Variants in SEZ6L observed in about 807,000 individuals in gnomAD.
SEZ6L encodes the protein seizure 6-like protein.
A neutral mutation model predicts 106.2 loss-of-function variants in SEZ6L; 37 were observed. The observed-to-expected ratio is 0.35, with a 90% CI of 0.27 to 0.46. The LOEUF is 0.46. SEZ6L is among the 20% of genes least tolerant of loss of function. The probability of loss-of-function intolerance (pLI) is 1.00; values close to 1 mark genes in which losing one functional copy is unlikely to be tolerated. For synonymous variants in SEZ6L, 541 were observed against 570.4 expected, an observed-to-expected ratio of 0.95 and a Z score of 0.73; for missense variants, 1,172 against 1,332.8, an observed-to-expected ratio of 0.88 and a Z score of 1.88.
In SEZ6L at chr22:26,373,465, T is replaced by A; in HGVS notation, c.2809T>A (p.Phe937Ile). Residue 937 changes from phenylalanine (F) to isoleucine (I), a missense_variant, in exon 14 of 17, where the codon TTT becomes ATT. This residue lies in a region of SEZ6L where 141 missense variants were observed against 176.0 expected (regional missense o/e 0.80). Transcript: ENST00000248933. ...LPVCKVNQDS[F>I]EHALEVAEAA... is the part of the protein sequence containing the mutation. ...TTCTCTTTCAGTTAATCAAGACAGT[T>A]TTGAACATGCTTTAGAAGGTGAGTT... The A allele has an allele frequency of 6.2e-7, 1 of 1,604,888 alleles. No homozygotes were observed. Among genetic ancestry groups the A allele is most frequent in the South Asian group, 1.1e-5 (1 of 88,482 alleles).
rs1433258014 is a variant in SEZ6L at position 26,294,392 on chromosome 22, G to A, written c.936G>A (p.Val312=). The part of the protein sequence containing the change: ...LNNFLECTYN[V]TVYTGYGVEL... ...ACTTTCTGGAGTGCACATACAACGT[G>A]ACAGTCTACACTGGCTATGGGGTGG... is the stretch of plus-strand genomic sequence containing the variant. The change falls in exon 3 of 17, where the codon GTG becomes GTA. Residue 312 remains valine, a synonymous_variant. Coordinates refer to ENST00000248933, the MANE Select transcript of SEZ6L (RefSeq NM_021115.5). 1.2e-6 allele frequency: 2 copies of A among 1,614,096 alleles called. No homozygotes were observed. Among genetic ancestry groups the A allele is most frequent in the South Asian group, 2.2e-5 (2 of 91,072 alleles).
At chr22:26,175,208 T>C (rs1365143895) in intron 1 of SEZ6L, among the ~76,000 whole-genome samples, 1 of 152,236 alleles carries the variant, frequency 6.6e-6, no homozygotes, top group East Asian at 1.9e-4. Flanking sequence ...ATAGCAAGCA[T>C]TTAAGTAAAG....
chr22:26,185,684 A>C (rs962115894), intron 1 of SEZ6L, among the ~76,000 whole-genome samples: 9 of 152,102 alleles, frequency 5.9e-5, no homozygotes, highest in African/African-American at 2.2e-4. Flanking sequence ...TCCACCATTT[A>C]TATGCCAGGC....
chr22:26,192,240 C>G (rs1176877823), intron 1 of SEZ6L, among the ~76,000 whole-genome samples: 2 of 152,202 alleles, frequency 1.3e-5, no homozygotes, highest in Non-Finnish European at 2.9e-5. Flanking sequence ...CCTTCCATCT[C>G]TCCATCAACC....
Position 26,191,365 on chromosome 22 carries a change from G to T in SEZ6L, c.94+21602G>T, listed in dbSNP as rs113346849. Among the ~76,000 whole-genome samples the T allele has an allele frequency of 6.5e-3, 995 of 152,262 alleles. 16 individuals carry two copies. The highest frequency in any genetic ancestry group is 0.023 in the African/African-American group (947 of 41,534). On this transcript the variant is annotated intron_variant, in intron 1 of 16. Transcript: ENST00000248933. ...GCCCATCAGTGATAGACTGGATAAA[G>T]AAAATGTGGTACATATACACCATGG...
intron 1 of SEZ6L, among the ~76,000 whole-genome samples, chr22:26,261,706 C>A (rs752944044): frequency 1.9e-4 from 29 of 152,154 alleles, no homozygotes; most frequent in African/African-American, 7.0e-4. Context: ...GCATAAAGTA[C>A]AGATGCTGTA....
At chr22:26,195,477 A>G (rs116361432) in intron 1 of SEZ6L, among the ~76,000 whole-genome samples, 2,107 of 152,296 alleles carry the variant, frequency 0.014, 52 homozygotes, top group African/African-American at 0.048. Context: ...ATGAAGATTA[A>G]ATGAGATCAT....
chr22:26,205,267 C>T (rs572390518), intron 1 of SEZ6L, among the ~76,000 whole-genome samples: 1 of 152,296 alleles, frequency 6.6e-6, no homozygotes, highest in East Asian at 1.9e-4. Context: ...AGTCTGGTGA[C>T]TTTTTACTCT....
At position 26,264,479 on chromosome 22, in the gene SEZ6L, A is replaced by G. The variant is rs149888154; in HGVS notation, c.95-27927A>G. ...ATTTAATGCCAAAATGGGTCATTAG[A>G]TAGAACCCATGAAATTATCAAAATT... On this transcript the variant is annotated intron_variant, in intron 1 of 16. Transcript: ENST00000248933. 4.1e-4 allele frequency among the ~76,000 whole-genome samples: 62 copies of G among 152,348 alleles called. No homozygotes were observed. In the East Asian group the frequency reaches 0.012, roughly 29 times the overall value.
chr22:26,229,162 A>G (rs1268438607), intron 1 of SEZ6L, among the ~76,000 whole-genome samples: 1 of 151,988 alleles, frequency 6.6e-6, no homozygotes, highest in African/African-American at 2.4e-5. Context: ...ACACCTGGAT[A>G]ATTTTTGTAT....
intron 1 of SEZ6L, among the ~76,000 whole-genome samples, chr22:26,231,249 G>A (rs758052021): frequency 1.3e-5 from 2 of 152,214 alleles, no homozygotes; most frequent in Non-Finnish European, 2.9e-5. Context: ...TAGGATGAGG[G>A]TGGTAACTTC....
At chr22:26,254,262 G>T (rs1602176173) in intron 1 of SEZ6L, among the ~76,000 whole-genome samples, 1 of 152,074 alleles carries the variant, frequency 6.6e-6, no homozygotes, top group Non-Finnish European at 1.5e-5. Flanking sequence ...GGGAATTTCT[G>T]CTTGAAGATG....
chr22:26,206,725 T>C (rs1444905710), intron 1 of SEZ6L, among the ~76,000 whole-genome samples: 1 of 152,200 alleles, frequency 6.6e-6, no homozygotes, highest in Admixed American at 6.5e-5. Flanking sequence ...CACAGTATCC[T>C]AGGAAATAAA....
chr22:26,227,565 A>G (rs1057147861), intron 1 of SEZ6L, among the ~76,000 whole-genome samples: 20 of 148,388 alleles, frequency 1.3e-4, no homozygotes, highest in Non-Finnish European at 2.2e-4. Context: ...ATACGCCATC[A>G]TGCCCAGCTA....
At chr22:26,254,665 C>A (rs1023901555) in intron 1 of SEZ6L, among the ~76,000 whole-genome samples, 3 of 152,118 alleles carry the variant, frequency 2.0e-5, no homozygotes, top group Non-Finnish European at 4.4e-5. Context: ...GAGTGCTGAG[C>A]ATTTGGTGAG....
In SEZ6L at chr22:26,328,506, GGGTA is replaced by G. The variant is rs1207116941; in HGVS notation, c.2016-11928_2016-11925del. Among the ~76,000 whole-genome samples, 308 of 152,318 alleles carry G rather than the reference GGGTA, an allele frequency of 2.0e-3. 3 individuals carry two copies. Among genetic ancestry groups the G allele is most frequent in the African/African-American group, 6.9e-3 (287 of 41,560 alleles). Reference sequence around the variant, plus strand: ...CTCTTGTGCTGGAGGTGAAACACCAGGGTAGTTAAGGACAGCCGTCTTTGTAGGC... The same window carrying G: ...CTCTTGTGCTGGAGGTGAAACACCAGGTTAAGGACAGCCGTCTTTGTAGGC... On this transcript the variant is annotated intron_variant, in intron 9 of 16. Coordinates refer to ENST00000248933, the MANE Select transcript of SEZ6L (RefSeq NM_021115.5).
intron 9 of SEZ6L, among the ~76,000 whole-genome samples, chr22:26,323,173 A>G (rs2082206165): frequency 6.6e-6 from 1 of 152,222 alleles, no homozygotes; most frequent in Admixed American, 6.5e-5. Context: ...AAAAGCGCCT[A>G]GAGTCAAAAA....
At chr22:26,245,550 A>C (rs1346671159) in intron 1 of SEZ6L, among the ~76,000 whole-genome samples, 1 of 152,106 alleles carries the variant, frequency 6.6e-6, no homozygotes, top group Non-Finnish European at 1.5e-5. Context: ...GCCTCCTTTA[A>C]GTTTTTGTGA....
At chr22:26,224,265 G>C (rs1014581828) in intron 1 of SEZ6L, among the ~76,000 whole-genome samples, 7 of 152,210 alleles carry the variant, frequency 4.6e-5, no homozygotes, top group Non-Finnish European at 8.8e-5. Context: ...CCAAGAGGGA[G>C]TTAGGGAGAT....
Sources: allele counts gnomAD v4.1 joint callset (sites outside exome capture counted in the v4.1 genomes callset), GRCh38; gene constraint gnomAD v4.1.1; regional missense constraint gnomAD v4.1.1; transcripts MANE v1.5; gene names NCBI Gene and HGNC (gene_info 2026-07-23, HGNC 2026-07-21).